The following SLC17A3 variants were observed in gnomAD, a reference collection of about 807,000 sequenced individuals.
SLC17A3 encodes solute carrier family 17 member 3.
SLC17A3 carries 61 observed loss-of-function variants against 60.3 expected under a neutral mutation model. That is an observed-to-expected ratio of 1.01 (90% CI 0.82 to 1.25). The LOEUF (loss-of-function observed/expected upper bound fraction) is 1.25, where lower values mean the gene tolerates loss of function less well. SLC17A3 is among the 50% of genes most tolerant of loss of function. The pLI is 0.00. For missense variants in SLC17A3, 624 were observed against 594.9 expected, an observed-to-expected ratio of 1.05 and a Z score of -0.51; for synonymous variants, 192 against 208.9, an observed-to-expected ratio of 0.92 and a Z score of 0.70.
At chr6:25,847,253 C>T (rs1005422329) in intron 11 of SLC17A3, among the ~76,000 whole-genome samples, 1 of 152,156 alleles carries the variant, frequency 6.6e-6, no homozygotes, top group Non-Finnish European at 1.5e-5. Flanking sequence ...AAGATATGAT[C>T]TCATTCTGAA....
rs1472026625 is a variant in SLC17A3, at chr6:25,861,799, GC to G, written c.533del (p.Ser178ThrfsTer43). ...AGATTTATAAAATATTGGGTACCTG[GC>G]TTAGGCCCTGGACTATTCGAGTTAC... ...LIVTRIVQGL[S>X]QSSILGGQFA... is the part of the protein sequence containing the mutation. On this transcript the variant is annotated frameshift_variant, in exon 4 of 13. Coordinates refer to ENST00000397060, the MANE Select transcript of SLC17A3 (RefSeq NM_001098486.2). LOFTEE classifies it high-confidence loss of function. The G allele has an allele frequency of 6.2e-7, 1 of 1,613,080 alleles. No individual in the cohort carries two copies. Among genetic ancestry groups the G allele is most frequent in the Admixed American group, 1.7e-5 (1 of 59,948 alleles).
intron 1 of SLC17A3, among the ~76,000 whole-genome samples, chr6:25,871,288 A>T (rs1581534709): frequency 6.6e-6 from 1 of 152,064 alleles, no homozygotes; most frequent in South Asian, 2.1e-4. Flanking sequence ...GCACATATAC[A>T]CCATGGAATA....
In SLC17A3 at chr6:25,862,292, C is replaced by G; in HGVS notation, c.244G>C (p.Val82Leu). 1 of 1,613,822 alleles carries G rather than the reference C, an allele frequency of 6.2e-7. No individual in the cohort carries two copies. Among genetic ancestry groups the G allele is most frequent in the South Asian group, 1.1e-5 (1 of 91,072 alleles). ...PQSQLNDSSE[V>L]LPVDSFGGLS... ...CCACCAAATGAGTCAACAGGCAGCACCTCAGAGGAATCATTGAGCTGGGAT... is the reference window on the plus strand; with the variant it reads ...CCACCAAATGAGTCAACAGGCAGCAGCTCAGAGGAATCATTGAGCTGGGAT... Residue 82 changes from valine to leucine, a missense_variant, in exon 3 of 13, where the codon GTG (valine) becomes CTG (leucine). Physicochemically the swap from Val to Leu is conservative, Grantham distance 32 (BLOSUM62 1). Transcript: ENST00000397060.
chr6:25,865,197 GGCTTCTGTTTTGTCCA>G (rs1765515492), intron 2 of SLC17A3, among the ~76,000 whole-genome samples: 1 of 151,890 alleles, frequency 6.6e-6, no homozygotes. Flanking sequence ...TATATATGGT[GGCTTCTGTTTTGTCCA>G]AGATGATTCC....
intron 1 of SLC17A3, among the ~76,000 whole-genome samples, chr6:25,872,613 G>A (rs1340280543): frequency 6.7e-6 from 1 of 148,728 alleles, no homozygotes; most frequent in Non-Finnish European, 1.5e-5. Flanking sequence ...TATAATGAAT[G>A]CTTTTCAGGC....
chr6:25,848,062 T>G (rs998157733), intron 11 of SLC17A3, among the ~76,000 whole-genome samples: 10 of 152,246 alleles, frequency 6.6e-5, no homozygotes, highest in African/African-American at 2.2e-4. Flanking sequence ...CAGATTGCTG[T>G]GAATGCCATC....
chr6:25,861,819 GA>G lies in SLC17A3; in HGVS notation c.513del (p.Arg172GlufsTer2). On this transcript the variant is annotated frameshift_variant, in exon 4 of 13. Transcript: ENST00000397060. LOFTEE classifies it high-confidence loss of function. ...TDFGIVLLIV[T>X]RIVQGLSQSS... ...ACCTGGCTTAGGCCCTGGACTATTC[GA>G]GTTACAATGAGCAAGACTATTCCAA... The G allele has an allele frequency of 6.2e-7, 1 of 1,613,436 alleles. No individual in the cohort carries two copies. The highest frequency in any genetic ancestry group is 8.5e-7 in the Non-Finnish European group (1 of 1,179,580).
At chr6:25,859,775 C>A (rs1011044535) in intron 5 of SLC17A3, among the ~76,000 whole-genome samples, 3 of 152,166 alleles carry the variant, frequency 2.0e-5, no homozygotes, top group Non-Finnish European at 2.9e-5. Context: ...GATGTTTGAA[C>A]ACTTGAACAT....
In SLC17A3 at chr6:25,850,782, T is replaced by A. The variant is rs765081203; in HGVS notation, c.808A>T (p.Ile270Phe). The change falls in exon 7 of 13, where the codon ATC becomes TTC. Residue 270 changes from isoleucine to phenylalanine, a missense_variant. Physicochemically the swap from Ile to Phe is conservative, Grantham distance 21 (BLOSUM62 0). Coordinates refer to ENST00000397060, the MANE Select transcript of SLC17A3 (RefSeq NM_001098486.2). ...ACCTGTTGTTTCAAGGAGGATATGA[T>A]GTATTCTTTTTCTGAGGTGCTTATC... ...PWISTSEKEY[I>F]ISSLKQQVGS... 1 of 1,613,704 alleles carries A rather than the reference T, an allele frequency of 6.2e-7. No individual in the cohort carries two copies. Among genetic ancestry groups the A allele is most frequent in the South Asian group, 1.1e-5 (1 of 91,064 alleles).
chr6:25,871,385 A>G (rs528461284), intron 1 of SLC17A3, among the ~76,000 whole-genome samples: 1 of 151,806 alleles, frequency 6.6e-6, no homozygotes, highest in South Asian at 2.1e-4. Context: ...AAAATATCGC[A>G]AGGACAAAAA....
Position 25,861,938 on chromosome 6 carries a change from T to C in SLC17A3, c.395A>G (p.Tyr132Cys). 6.2e-7 allele frequency: 1 copy of C among 1,612,818 alleles called. No homozygotes were observed. ...GGILTMAPSG[Y>C]LAGRVGTKRV... Reference sequence around the variant, plus strand: ...CTTTGTTCCTACTCTTCCAGCCAGGTATCCACTGGGAGCCATTGTCAGTAT... The same window carrying C: ...CTTTGTTCCTACTCTTCCAGCCAGGCATCCACTGGGAGCCATTGTCAGTAT... Residue 132 changes from tyrosine to cysteine, a missense_variant, in exon 4 of 13, where the codon TAC (tyrosine) becomes TGC (cysteine). Transcript: ENST00000397060.
chr6:25,874,240 G>T lies in SLC17A3; in HGVS notation c.-107C>A, dbSNP rs901616354. ...CAAGCTTACTCCCTTGGACTTTTTG[G>T]AGCAGAGAGATGAGGATTCTTTGCC... On this transcript the variant is annotated 5_prime_UTR_variant, in exon 1 of 13. Coordinates refer to ENST00000397060, the MANE Select transcript of SLC17A3 (RefSeq NM_001098486.2). 2 of 152,036 alleles carry T rather than the reference G, an allele frequency of 1.3e-5. No individual in the cohort carries two copies. Among genetic ancestry groups the T allele is most frequent in the Admixed American group, 1.3e-4 (2 of 15,262 alleles). 9.4% of individuals were successfully genotyped at this position (152,036 alleles called of 1,614,324 possible). A position where few individuals can be genotyped will look rare whatever the true frequency, so the allele number is the denominator to read the frequency against.
chr6:25,850,028 C>A lies in SLC17A3; in HGVS notation c.1123+20G>T. ...GTTGTATGCTACGCAAATTATCTGA[C>A]CCTCAAGCTCTGTTCTTACCTAAAA... On this transcript the variant is annotated intron_variant, in intron 9 of 12. Coordinates refer to ENST00000397060, the MANE Select transcript of SLC17A3 (RefSeq NM_001098486.2). 1 of 1,613,948 alleles carries A rather than the reference C, an allele frequency of 6.2e-7. No individual in the cohort carries two copies. Among genetic ancestry groups the A allele is most frequent in the Non-Finnish European group, 8.5e-7 (1 of 1,179,840 alleles).
chr6:25,847,712 TA>T (rs1765201091), intron 11 of SLC17A3, among the ~76,000 whole-genome samples: 1 of 151,998 alleles, frequency 6.6e-6, no homozygotes, highest in Non-Finnish European at 1.5e-5. Context: ...TGTTTTCTTT[TA>T]AAAATTTTTT....
rs547545784 is a variant in SLC17A3, at chr6:25,861,819, G to A, written c.514C>T (p.Arg172Ter). 1.1e-5 allele frequency: 17 copies of A among 1,613,436 alleles called. No homozygotes were observed. The highest frequency in any genetic ancestry group is 9.3e-5 in the African/African-American group (7 of 74,994). Residue 172 changes from arginine to a stop codon, truncating the protein, a stop_gained, in exon 4 of 13, where the codon CGA becomes TGA. Coordinates refer to ENST00000397060, the MANE Select transcript of SLC17A3 (RefSeq NM_001098486.2). LOFTEE classifies it high-confidence loss of function. The part of the protein sequence containing the change: ...DFGIVLLIVT[R>*]IVQGLSQSSI... ...ACCTGGCTTAGGCCCTGGACTATTCGAGTTACAATGAGCAAGACTATTCCA... is the reference window on the plus strand; with the variant it reads ...ACCTGGCTTAGGCCCTGGACTATTCAAGTTACAATGAGCAAGACTATTCCA...
chr6:25,855,125 C>A lies in SLC17A3; in HGVS notation c.712+19G>T. 1.3e-6 allele frequency: 2 copies of A among 1,518,734 alleles called. No homozygotes were observed. The highest frequency in any genetic ancestry group is 1.7e-4 in the Middle Eastern group (1 of 5,910). The allele number at this position is 1,518,734 out of a possible 1,614,324, so 94.1% of individuals were successfully genotyped here. A position where few individuals can be genotyped will look rare whatever the true frequency, so the allele number is the denominator to read the frequency against. ...CTTTCTGCATATGAAACTCAGGGAA[C>A]TGGGAGATAGTAGCTTACCAAAGAT... On this transcript the variant is annotated intron_variant, in intron 6 of 12. Coordinates refer to ENST00000397060, the MANE Select transcript of SLC17A3 (RefSeq NM_001098486.2).
At chr6:25,851,979 C>T (rs1027331661) in intron 6 of SLC17A3, among the ~76,000 whole-genome samples, 2 of 152,064 alleles carry the variant, frequency 1.3e-5, no homozygotes, top group Non-Finnish European at 2.9e-5. Context: ...TATTGAAAAT[C>T]GTACTGTTCT....
At chr6:25,861,147 C>G (rs922717085) in intron 5 of SLC17A3, among the ~76,000 whole-genome samples, 17 of 152,190 alleles carry the variant, frequency 1.1e-4, no homozygotes, top group African/African-American at 4.1e-4. Context: ...ATTCAGAGCA[C>G]AGTATCCAGG....
chr6:25,869,595 C>T (rs1388155012), intron 1 of SLC17A3, among the ~76,000 whole-genome samples: 3 of 151,954 alleles, frequency 2.0e-5, no homozygotes, highest in Non-Finnish European at 4.4e-5. Context: ...GCGGAGGCCT[C>T]ACACTCATGG....
Sources: gnomAD v4.1 joint callset for allele counts (sites outside exome capture counted in the v4.1 genomes callset) on GRCh38, gnomAD v4.1.1 for gene constraint, MANE v1.5 for transcripts, NCBI Gene and HGNC (gene_info 2026-07-23, HGNC 2026-07-21) for gene names.